The following PARD3B variants were observed in gnomAD, a reference collection of about 807,000 sequenced individuals.
The protein encoded by PARD3B is par-3 family cell polarity regulator beta.
In PARD3B, 103 loss-of-function variants were observed where a neutral mutation model predicts 130.2. The ratio of observed to expected loss-of-function variants is 0.79; its 90% CI spans 0.67 to 0.93. The LOEUF is 0.93. Ranked by LOEUF, PARD3B falls within the 40% of genes least tolerant of loss-of-function variation. The probability of loss-of-function intolerance (pLI) is 0.00; values close to 1 mark genes in which losing one functional copy is unlikely to be tolerated. For missense variants in PARD3B, 1,609 were observed against 1,499.2 expected, an observed-to-expected ratio of 1.07 and a Z score of -1.21; for synonymous variants, 583 against 553.2, an observed-to-expected ratio of 1.05 and a Z score of -0.76.
chr2:205,603,509 A>G lies in PARD3B; in HGVS notation c.3261-11947A>G, dbSNP rs553691449. 2.6e-5 allele frequency among the ~76,000 whole-genome samples: 4 copies of G among 152,264 alleles called. No individual in the cohort carries two copies. The South Asian group carries it at 8.3e-4, about 32-fold the overall frequency. ...CAAGTCTCTTTGTAGGTCTCTAAGAACCTGTTTTATGAATCTGGGTGCTCC... is the reference window on the plus strand; with the variant it reads ...CAAGTCTCTTTGTAGGTCTCTAAGAGCCTGTTTTATGAATCTGGGTGCTCC... On this transcript the variant is annotated intron_variant, in intron 22 of 22. Coordinates refer to ENST00000406610, the MANE Select transcript of PARD3B (RefSeq NM_001302769.2).
At chr2:205,012,361 A>T (rs16836839) in intron 3 of PARD3B, among the ~76,000 whole-genome samples, 6 of 152,100 alleles carry the variant, frequency 3.9e-5, no homozygotes, top group Admixed American at 2.6e-4. Context: ...ATAATTTCCA[A>T]TACATATCCT....
At chr2:205,097,598 G>C (rs1332519837) in intron 4 of PARD3B, among the ~76,000 whole-genome samples, 1 of 152,124 alleles carries the variant, frequency 6.6e-6, no homozygotes, top group Admixed American at 6.5e-5. Context: ...AGAAGCTCGG[G>C]ACTCACCCTA....
intron 20 of PARD3B, among the ~76,000 whole-genome samples, chr2:205,494,955 A>G (rs758740067): frequency 6.6e-5 from 10 of 152,226 alleles, no homozygotes; most frequent in Admixed American, 3.3e-4. Context: ...TCTTTAGGAC[A>G]TCATAGGAGC....
intron 2 of PARD3B, among the ~76,000 whole-genome samples, chr2:204,825,450 G>C (rs1436043196): frequency 6.6e-6 from 1 of 152,184 alleles, no homozygotes; most frequent in East Asian, 1.9e-4. Flanking sequence ...CAGGATTTGA[G>C]GTCATTCATA....
chr2:205,029,495 A>G (rs1193135368), intron 3 of PARD3B, among the ~76,000 whole-genome samples: 1 of 152,180 alleles, frequency 6.6e-6, no homozygotes, highest in Non-Finnish European at 1.5e-5. Flanking sequence ...CTTTGAACAT[A>G]GTAGGGGAAA....
intron 2 of PARD3B, among the ~76,000 whole-genome samples, chr2:204,715,425 G>A (rs116207002): frequency 1.5e-3 from 226 of 151,278 alleles, no homozygotes; most frequent in African/African-American, 5.2e-3. Context: ...CATTAGAAAA[G>A]TCTGCTCTTC....
At chr2:205,196,832 A>C (rs965753035) in intron 15 of PARD3B, among the ~76,000 whole-genome samples, 1 of 152,114 alleles carries the variant, frequency 6.6e-6, no homozygotes, top group African/African-American at 2.4e-5. Context: ...AGTCCATCTC[A>C]TGTCAGCATC....
chr2:205,198,061 T>C (rs1440509152), intron 15 of PARD3B, among the ~76,000 whole-genome samples: 3 of 152,228 alleles, frequency 2.0e-5, no homozygotes, highest in Admixed American at 6.5e-5. Context: ...TAGTCTGAAT[T>C]ATTCAAAAGA....
At position 205,097,651 on chromosome 2, in the gene PARD3B, G is replaced by A. The variant is rs548054577; in HGVS notation, c.505-6775G>A. Among the ~76,000 whole-genome samples, 4 of 152,256 alleles carry A rather than the reference G, an allele frequency of 2.6e-5. No homozygotes were observed. In the South Asian group the frequency reaches 8.3e-4, roughly 32 times the overall value. ...CTTCAAGCATTGAGTGCGGGGCCCA[G>A]CAATCTAGGTTGTCACAACACTCCA... is the stretch of plus-strand genomic sequence containing the variant. On this transcript the variant is annotated intron_variant, in intron 4 of 22. Coordinates refer to ENST00000406610, the MANE Select transcript of PARD3B (RefSeq NM_001302769.2).
chr2:205,581,241 GATATAT>G (rs975053256), intron 22 of PARD3B, among the ~76,000 whole-genome samples: 2 of 126,316 alleles, frequency 1.6e-5, no homozygotes, highest in Non-Finnish European at 3.2e-5. Context: ...GATATATATA[GATATAT>G]ATAGATATAT....
In PARD3B at chr2:205,103,779, A is replaced by G. The variant is rs1020441417; in HGVS notation, c.505-647A>G. ...TCCTCTGCTTCTCTGGGTAACATCC[A>G]ATACAACTTTTCCACTGTCCTGGAG... On this transcript the variant is annotated intron_variant, in intron 4 of 22. Coordinates refer to ENST00000406610, the MANE Select transcript of PARD3B (RefSeq NM_001302769.2). The G allele has an allele frequency of 5.1e-6, 5 of 979,596 alleles. No homozygotes were observed. In the African/African-American group the frequency reaches 7.0e-5, roughly 14 times the overall value. The allele number at this position is 979,596 out of a possible 1,614,324, so 60.7% of individuals were successfully genotyped here. A position where few individuals can be genotyped will look rare whatever the true frequency, so the allele number is the denominator to read the frequency against.
chr2:204,626,911 C>A (rs2125134419), intron 1 of PARD3B, among the ~76,000 whole-genome samples: 1 of 152,234 alleles, frequency 6.6e-6, no homozygotes, highest in African/African-American at 2.4e-5. Context: ...GCACCCAAAT[C>A]TCATCTTGAA....
intron 2 of PARD3B, among the ~76,000 whole-genome samples, chr2:204,753,831 TTGCTTGAGCTCAGG>T (rs2040559977): frequency 6.6e-6 from 1 of 152,126 alleles, no homozygotes; most frequent in Non-Finnish European, 1.5e-5. Flanking sequence ...AGAAGGAGGA[TTGCTTGAGCTCAGG>T]AGTTTGAGAT....
At position 205,550,935 on chromosome 2, in the gene PARD3B, G is replaced by GTGTGTATATATATA. The variant is rs1559206748; in HGVS notation, c.3181-2384_3181-2383insATATATATATGTGT. On this transcript the variant is annotated intron_variant, in intron 21 of 22. Coordinates refer to ENST00000406610, the MANE Select transcript of PARD3B (RefSeq NM_001302769.2). This position sits in a 1 kb window ranked among gnomAD's most constrained non-coding sequence, Gnocchi z 4.5. ...AATACATATAATTATGTGTGTGTGT[G>GTGTGTATATATATA]TGTGTGTATATATATATGTGTATAT... 7.1e-5 allele frequency among the ~76,000 whole-genome samples: 6 copies of GTGTGTATATATATA among 84,828 alleles called. No individual in the cohort carries two copies. Among genetic ancestry groups the GTGTGTATATATATA allele is most frequent in the African/African-American group, 2.3e-4 (6 of 25,948 alleles). 55.7% of individuals were successfully genotyped at this position (84,828 alleles called of 152,430 possible).
intron 2 of PARD3B, among the ~76,000 whole-genome samples, chr2:204,743,450 T>C (rs962372806): frequency 3.9e-5 from 6 of 152,124 alleles, no homozygotes; most frequent in African/African-American, 1.4e-4. Context: ...CATGTACATA[T>C]CTTGAAAAAT....
At chr2:204,834,177 A>G (rs1345183634) in intron 2 of PARD3B, among the ~76,000 whole-genome samples, 2 of 152,072 alleles carry the variant, frequency 1.3e-5, no homozygotes, top group Admixed American at 6.6e-5. Context: ...CCTTTGTGGT[A>G]TCTCTGATTG....
In PARD3B at chr2:204,545,484, G is replaced by T. The variant is rs906454891; in HGVS notation, c.-516G>T. 3.9e-5 allele frequency among the ~76,000 whole-genome samples: 6 copies of T among 152,056 alleles called. No individual in the cohort carries two copies. The highest frequency in any genetic ancestry group is 8.8e-5 in the Non-Finnish European group (6 of 67,990). On this transcript the variant is annotated 5_prime_UTR_variant, in exon 1 of 23. Transcript: ENST00000406610. ...CCAGGCCGTCGCCGGGACCGCAGGAGCCCAGAGCGCGGGCGCCGCAGAGGA... is the reference window on the plus strand; with the variant it reads ...CCAGGCCGTCGCCGGGACCGCAGGATCCCAGAGCGCGGGCGCCGCAGAGGA...
chr2:205,065,938 A>G (rs1700344731), intron 4 of PARD3B, among the ~76,000 whole-genome samples: 1 of 152,148 alleles, frequency 6.6e-6, no homozygotes, highest in African/African-American at 2.4e-5. Context: ...GACGGCCCCC[A>G]TTTATTCATA....
intron 20 of PARD3B, among the ~76,000 whole-genome samples, chr2:205,468,743 A>G (rs116131482): frequency 2.8e-4 from 42 of 152,240 alleles, no homozygotes; most frequent in African/African-American, 9.9e-4. Context: ...TCAAACTTTT[A>G]TTTGATCCAT....
Sources: allele counts gnomAD v4.1 joint callset (sites outside exome capture counted in the v4.1 genomes callset), GRCh38; gene constraint gnomAD v4.1.1; non-coding constraint Gnocchi (gnomAD v3.1); transcripts MANE v1.5; gene names NCBI Gene and HGNC (gene_info 2026-07-23, HGNC 2026-07-21).